SHCBP1L: variants seen among roughly 807,000 people sequenced by gnomAD.
SHCBP1L encodes the protein SHC binding and spindle associated 1 like.
In SHCBP1L, 67 loss-of-function variants were observed where a neutral mutation model predicts 62.5. The observed-to-expected ratio is 1.07, with a 90% confidence interval of 0.88 to 1.31. SHCBP1L has a LOEUF of 1.31. Ranked by LOEUF, SHCBP1L falls within the 40% of genes most tolerant of loss-of-function variation. The probability of loss-of-function intolerance (pLI) is 0.00; values close to 1 mark genes in which losing one functional copy is unlikely to be tolerated. For missense variants in SHCBP1L, 823 were observed against 809.8 expected (o/e 1.02, Z -0.20); for synonymous variants, 284 against 289.4 (o/e 0.98, Z 0.19).
intron 5 of SHCBP1L, among the ~76,000 whole-genome samples, chr1:182,930,549 GTGTATATATATATATATATATATA>G (rs1650938071): frequency 2.0e-5 from 1 of 48,840 alleles, no homozygotes; most frequent in Admixed American, 3.1e-4. Flanking sequence ...TTTAGTGTGT[GTGTATATATATATATATATATATA>G]TATATATATA....
intron 5 of SHCBP1L, among the ~76,000 whole-genome samples, chr1:182,933,789 G>A (rs927473402): frequency 6.6e-6 from 1 of 151,998 alleles, no homozygotes; most frequent in African/African-American, 2.4e-5. Flanking sequence ...TATTCGTGTA[G>A]GTTTTCTTTT....
At chr1:182,943,564 A>G (rs916612138) in intron 2 of SHCBP1L, among the ~76,000 whole-genome samples, 3 of 151,398 alleles carry the variant, frequency 2.0e-5, no homozygotes, top group African/African-American at 7.3e-5. Flanking sequence ...CTCCAGCCTC[A>G]GCCTCCCAAG....
intron 6 of SHCBP1L, among the ~76,000 whole-genome samples, chr1:182,919,886 C>T (rs1485853584): frequency 6.6e-6 from 1 of 152,148 alleles, no homozygotes. Flanking sequence ...GAGGGATCCA[C>T]ACAGCCTCCC....
In SHCBP1L at chr1:182,929,647, C is replaced by T. The variant is rs1650894991; in HGVS notation, c.1182G>A (p.Met394Ile). 1 of 1,525,462 alleles carries T rather than the reference C, an allele frequency of 6.6e-7. No homozygotes were observed. Among genetic ancestry groups the T allele is most frequent in the Non-Finnish European group, 8.8e-7 (1 of 1,131,658 alleles). The allele number at this position is 1,525,462 out of a possible 1,614,324, so 94.5% of individuals were successfully genotyped here. The change falls in exon 6 of 10, where the codon ATG (methionine) becomes ATA (isoleucine). Residue 394 changes from methionine (M) to isoleucine (I), a missense_variant and splice_region_variant. Met to Ile is a conservative substitution (Grantham distance 10). Coordinates refer to ENST00000367547, the MANE Select transcript of SHCBP1L (RefSeq NM_030933.4). ...HIVAKMMTTE[M>I]IKDLSSDTLL... ...CAAATAAGAATAGTTTATTTCTTACCATTTCAGTAGTCATCATTTTTGCTA... is the reference window on the plus strand; with the variant it reads ...CAAATAAGAATAGTTTATTTCTTACTATTTCAGTAGTCATCATTTTTGCTA...
rs1209252037 is a variant in SHCBP1L at position 182,936,140 on chromosome 1, T to G, written c.1076+3036A>C. On this transcript the variant is annotated intron_variant, in intron 5 of 9. Coordinates refer to ENST00000367547, the MANE Select transcript of SHCBP1L (RefSeq NM_030933.4). The stretch of plus-strand genomic sequence containing the variant: ...GCTTTTTTGTTTTTTGTTTTTTTTT[T>G]TTTTTTTTTTTTTGAGACAGAGTCT... Among the ~76,000 whole-genome samples the G allele has an allele frequency of 3.9e-3, 557 of 141,340 alleles. 5 individuals are homozygous for G. The highest frequency in any genetic ancestry group is 7.0e-3 in the Non-Finnish European group (454 of 64,988). The allele number at this position is 141,340 out of a possible 152,430, so 92.7% of individuals were successfully genotyped here. A position where few individuals can be genotyped will look rare whatever the true frequency, so the allele number is the denominator to read the frequency against.
At chr1:182,901,184 G>A (rs12031236) in intron 9 of SHCBP1L, among the ~76,000 whole-genome samples, 10,920 of 152,088 alleles carry the variant, frequency 0.072, 491 homozygotes, top group East Asian at 0.16. Context: ...CAGGTCAGGC[G>A]TGGTGGCTCA....
chr1:182,924,768 GAAAGAAAGAAAGAAAGAA>G (rs1557996763), intron 6 of SHCBP1L, among the ~76,000 whole-genome samples: 21 of 93,238 alleles, frequency 2.3e-4, no homozygotes, highest in East Asian at 1.0e-3. Context: ...AAGAAAGAAA[GAAAGAAAGAAAGAAAGAA>G]AGAGAGAAAG....
At chr1:182,952,446 T>A (rs949268688) in intron 1 of SHCBP1L, 1 of 387,002 alleles carries the variant, frequency 2.6e-6, no homozygotes, top group African/African-American at 2.1e-5. Flanking sequence ...ATAAGGCCAA[T>A]ATATCTTCAT....
rs1401673276 is a variant in SHCBP1L, at chr1:182,943,455, T to G, written c.556-2912A>C. Among the ~76,000 whole-genome samples, 3 of 148,250 alleles carry G rather than the reference T, an allele frequency of 2.0e-5. No homozygotes were observed. The South Asian group carries it at 6.4e-4, about 32-fold the overall frequency. On this transcript the variant is annotated intron_variant, in intron 2 of 9. Coordinates refer to ENST00000367547, the MANE Select transcript of SHCBP1L (RefSeq NM_030933.4). ...TTTGTTTGTTTGTGTTTGTTTTTGT[T>G]TTTTTTTTTGAGACAGGGTCTCACT...
chr1:182,924,787 A>G (rs1650654178), intron 6 of SHCBP1L, among the ~76,000 whole-genome samples: 3 of 94,902 alleles, frequency 3.2e-5, no homozygotes, highest in African/African-American at 2.6e-4. Flanking sequence ...AAAGAAAGAA[A>G]GAGAGAAAGA....
At chr1:182,902,051 C>CTTTTTTTTTTT (rs889668641) in intron 9 of SHCBP1L, among the ~76,000 whole-genome samples, 1 of 142,316 alleles carries the variant, frequency 7.0e-6, no homozygotes, top group Non-Finnish European at 1.5e-5. Flanking sequence ...TTTTTTCTTT[C>CTTTTTTTTTTT]TTTTTTTTTC....
intron 6 of SHCBP1L, among the ~76,000 whole-genome samples, chr1:182,925,224 C>A (rs4454509): frequency 6.6e-6 from 1 of 151,840 alleles, no homozygotes. Context: ...GGCAATAAAG[C>A]GCACAAAAGG....
At chr1:182,905,399 A>G in intron 7 of SHCBP1L, 97 bp downstream of exon 7, 1 of 1,241,708 alleles carries the variant, frequency 8.1e-7, no homozygotes, top group Non-Finnish European at 1.1e-6. Flanking sequence ...CATAAATTCT[A>G]TTGTAATTTC....
intron 7 of SHCBP1L, among the ~76,000 whole-genome samples, chr1:182,904,745 T>C (rs1649958047): frequency 6.9e-6 from 1 of 145,874 alleles, no homozygotes; most frequent in South Asian, 2.2e-4. Flanking sequence ...AGTACATACA[T>C]AACTATAGTG....
Position 182,952,799 on chromosome 1 carries a change from G to T in SHCBP1L, c.335C>A (p.Ser112Tyr). 1 of 1,612,726 alleles carries T rather than the reference G, an allele frequency of 6.2e-7. No individual in the cohort carries two copies. The highest frequency in any genetic ancestry group is 8.5e-7 in the Non-Finnish European group (1 of 1,179,518). ...EAQPLPPVCV[S>Y]RMRGMWRDEK... ...GTCCCGCCACATCCCCCTCATACGG[G>T]ACACGCAGACTGGGGGCAGGGGCTG... Residue 112 changes from serine to tyrosine, a missense_variant, in exon 1 of 10, where the codon TCC becomes TAC. Physicochemically the swap from Ser to Tyr is moderately radical, Grantham distance 144 (BLOSUM62 -2). Transcript: ENST00000367547.
intron 5 of SHCBP1L, among the ~76,000 whole-genome samples, chr1:182,938,614 C>T (rs55738963): frequency 0.15 from 23,239 of 152,022 alleles, 2,497 homozygotes; most frequent in African/African-American, 0.3. Context: ...GCACACCCCA[C>T]TACATTCCTA....
At chr1:182,900,313 T>C (rs1413799491) in intron 9 of SHCBP1L, 79 bp from the exon 10 acceptor site, 3 of 1,203,106 alleles carry the variant, frequency 2.5e-6, no homozygotes, top group East Asian at 2.6e-5. Context: ...AAAATTAGCT[T>C]AGACTTTATT....
chr1:182,902,324 T>C (rs1649870817), intron 9 of SHCBP1L, among the ~76,000 whole-genome samples: 1 of 152,152 alleles, frequency 6.6e-6, no homozygotes, highest in Admixed American at 6.5e-5. Context: ...GTGCTAGGAT[T>C]ACAGGTGTGA....
Position 182,952,860 on chromosome 1 carries a change from G to T in SHCBP1L, c.274C>A (p.Pro92Thr), listed in dbSNP as rs1206868429. Residue 92 changes from proline (P) to threonine (T), a missense_variant, in exon 1 of 10, where the codon CCC (proline) becomes ACC (threonine). Physicochemically the swap from Pro to Thr is conservative, Grantham distance 38. Coordinates refer to ENST00000367547, the MANE Select transcript of SHCBP1L (RefSeq NM_030933.4). ...GEAAAAAAEE[P>T]LLPVPEDEEE... ...TCATCCTCAGGCACTGGCAGCAGGG[G>T]CTCCTCCGCCGCCGCCGCCGCCGCC... The T allele has an allele frequency of 4.4e-6, 7 of 1,605,862 alleles. No individual in the cohort carries two copies. The highest frequency in any genetic ancestry group is 5.9e-6 in the Non-Finnish European group (7 of 1,177,254).
Sources: allele counts gnomAD v4.1 joint callset (sites outside exome capture counted in the v4.1 genomes callset), GRCh38; gene constraint gnomAD v4.1.1; transcripts MANE v1.5; gene names NCBI Gene and HGNC (gene_info 2026-07-23, HGNC 2026-07-21).